Variants in RBFOX1 observed in about 807,000 individuals in gnomAD.
RBFOX1 encodes the protein RNA binding fox-1 homolog 1.
RBFOX1 carries 8 observed loss-of-function variants against 57.7 expected under a neutral mutation model. The observed-to-expected ratio is 0.14, with a 90% CI of 0.08 to 0.25. The LOEUF is 0.25. Ranked by LOEUF, RBFOX1 falls within the 10% of genes least tolerant of loss-of-function variation. The pLI is 1.00. For missense variants in RBFOX1, 611 were observed against 548.5 expected (o/e 1.11, Z -1.14); for synonymous variants, 326 against 222.4 (o/e 1.47, Z -4.15).
At chr16:6,027,420 T>G (rs2095217169) in intron 1 of RBFOX1, among the ~76,000 whole-genome samples, 2 of 152,168 alleles carry the variant, frequency 1.3e-5, no homozygotes, top group Admixed American at 1.3e-4. Context: ...AAGGAGGCAG[T>G]GCAGGTATTT....
Position 7,546,151 on chromosome 16 carries a change from AC to A in RBFOX1, c.270+27765del, listed in dbSNP as rs759160882. ...AGACCAGCCTGGCCAACATGGTGAA[AC>A]CCTGTCTCTACTAAAAATATAAAAA... On this transcript the variant is annotated intron_variant, in intron 5 of 15. Transcript: ENST00000550418. Among the ~76,000 whole-genome samples the A allele has an allele frequency of 1.3e-3, 198 of 151,994 alleles. 1 individual carries two copies. Among genetic ancestry groups the A allele is most frequent in the South Asian group, 7.1e-3 (34 of 4,814 alleles).
chr16:6,079,111 C>G (rs1482916456), intron 1 of RBFOX1, among the ~76,000 whole-genome samples: 1 of 151,938 alleles, frequency 6.6e-6, no homozygotes, highest in Admixed American at 6.6e-5. Context: ...GAGTTCAAGA[C>G]TAACCTGACC....
At chr16:5,912,226 G>A (rs2058617978) in intron 4 of RBFOX1, among the ~76,000 whole-genome samples, 2 of 152,128 alleles carry the variant, frequency 1.3e-5, no homozygotes, top group African/African-American at 4.8e-5. Context: ...GGTTTGCTGA[G>A]GTTACCTCTT....
chr16:6,520,187 A>T (rs150487764), intron 2 of RBFOX1, among the ~76,000 whole-genome samples: 298 of 152,304 alleles, frequency 2.0e-3, no homozygotes, highest in African/African-American at 6.4e-3. Flanking sequence ...TCTAAATTAA[A>T]AGCTTCCAAA....
At chr16:5,902,918 G>C (rs1373473437) in intron 4 of RBFOX1, among the ~76,000 whole-genome samples, 8 of 152,148 alleles carry the variant, frequency 5.3e-5, no homozygotes, top group African/African-American at 1.7e-4. Flanking sequence ...GCGTATCGAA[G>C]TGACCATGTG....
At chr16:6,156,621 C>A (rs929119455) in intron 1 of RBFOX1, among the ~76,000 whole-genome samples, 2 of 152,126 alleles carry the variant, frequency 1.3e-5, no homozygotes, top group African/African-American at 4.8e-5. Flanking sequence ...ACCTGTGGGA[C>A]AATGCTGAGG....
At chr16:6,259,894 G>A (rs559758869) in intron 1 of RBFOX1, among the ~76,000 whole-genome samples, 1 of 151,484 alleles carries the variant, frequency 6.6e-6, no homozygotes, top group East Asian at 1.9e-4. Flanking sequence ...CCGAGAGATG[G>A]AGGGTGCTGT....
chr16:7,663,451 T>C lies in RBFOX1; in HGVS notation c.891-1478T>C, dbSNP rs78912033. On this transcript the variant is annotated intron_variant, in intron 12 of 15. Coordinates refer to ENST00000550418, the MANE Select transcript of RBFOX1 (RefSeq NM_018723.4). ...CTCTGAAATACTCTAAGCAGCACACTAGAGTGTTCTCCAGCAAACCAGTGT... is the reference window on the plus strand; with the variant it reads ...CTCTGAAATACTCTAAGCAGCACACCAGAGTGTTCTCCAGCAAACCAGTGT... Among the ~76,000 whole-genome samples the C allele has an allele frequency of 5.1e-3, 773 of 152,128 alleles. 7 individuals are homozygous for C. Among genetic ancestry groups the C allele is most frequent in the African/African-American group, 0.018 (741 of 41,506 alleles).
chr16:5,393,546 G>A (rs1214218215), intron 1 of RBFOX1, among the ~76,000 whole-genome samples: 1 of 152,168 alleles, frequency 6.6e-6, no homozygotes, highest in African/African-American at 2.4e-5. Context: ...GTCTTTCTGA[G>A]GATTTTGTCC....
chr16:7,095,668 G>A (rs1165174935), intron 4 of RBFOX1, among the ~76,000 whole-genome samples: 2 of 152,102 alleles, frequency 1.3e-5, no homozygotes, highest in African/African-American at 2.4e-5. Flanking sequence ...TAATCATGTT[G>A]GTAAGGTCTT....
At chr16:5,730,004 G>A (rs1019344969) in intron 3 of RBFOX1, among the ~76,000 whole-genome samples, 1 of 152,138 alleles carries the variant, frequency 6.6e-6, no homozygotes, top group Admixed American at 6.5e-5. Flanking sequence ...GCCCGCAAAG[G>A]GGGTGCCTCA....
At chr16:6,859,175 GTATATATATGTATATATATA>G (rs2058542993) in intron 3 of RBFOX1, among the ~76,000 whole-genome samples, 2 of 66,550 alleles carry the variant, frequency 3.0e-5, no homozygotes, top group African/African-American at 1.6e-4. Flanking sequence ...GTATATATAT[GTATATATATGTATATATATA>G]TGTATATATA....
chr16:6,397,684 A>G (rs1459928412), intron 2 of RBFOX1, among the ~76,000 whole-genome samples: 2 of 152,224 alleles, frequency 1.3e-5, no homozygotes, highest in African/African-American at 2.4e-5. Context: ...GTGTAAAGAA[A>G]GATGACATCA....
intron 2 of RBFOX1, among the ~76,000 whole-genome samples, chr16:6,428,565 T>C (rs925104357): frequency 5.9e-5 from 9 of 152,166 alleles, no homozygotes; most frequent in African/African-American, 2.2e-4. Flanking sequence ...TGTTACTTTA[T>C]AGGGTTGTTA....
chr16:7,671,536 T>C, intron 13 of RBFOX1: 1 of 1,595,328 alleles, frequency 6.3e-7, no homozygotes, highest in Non-Finnish European at 8.6e-7. Flanking sequence ...TTGAAAACAT[T>C]ACATTTCTGT....
intron 1 of RBFOX1, among the ~76,000 whole-genome samples, chr16:6,169,334 G>A (rs1488955671): frequency 6.6e-6 from 1 of 152,080 alleles, no homozygotes; most frequent in Non-Finnish European, 1.5e-5. Context: ...GGGGAAAGAC[G>A]AGAAGGAGTG....
intron 4 of RBFOX1, among the ~76,000 whole-genome samples, chr16:5,945,940 C>T (rs1489558661): frequency 6.6e-6 from 1 of 152,200 alleles, no homozygotes; most frequent in Non-Finnish European, 1.5e-5. Context: ...GATTGGTGTG[C>T]TTCACATCCT....
At chr16:6,792,502 C>T (rs1455139271) in intron 3 of RBFOX1, among the ~76,000 whole-genome samples, 1 of 152,020 alleles carries the variant, frequency 6.6e-6, no homozygotes, top group African/African-American at 2.4e-5. Flanking sequence ...TGTCATCTAC[C>T]ACCACAAATT....
intron 3 of RBFOX1, among the ~76,000 whole-genome samples, chr16:5,850,769 T>C (rs2056875555): frequency 6.6e-6 from 1 of 152,180 alleles, no homozygotes; most frequent in South Asian, 2.1e-4. Flanking sequence ...CTCCAGAGCC[T>C]GATGTCTCAT....
Sources: allele counts gnomAD v4.1 joint callset (sites outside exome capture counted in the v4.1 genomes callset), GRCh38; gene constraint gnomAD v4.1.1; transcripts MANE v1.5; gene names NCBI Gene and HGNC (gene_info 2026-07-23, HGNC 2026-07-21).